Variants in FHL2 observed in about 807,000 individuals in gnomAD.
FHL2 encodes four and a half LIM domains protein 2.
Under a neutral mutation model 32.7 loss-of-function variants are expected in FHL2, and 20 were observed. The observed-to-expected ratio is 0.61, with a 90% CI of 0.43 to 0.89. FHL2 has a LOEUF of 0.89. Among genes scored for constraint, FHL2 ranks in the 40% least tolerant of loss-of-function variants. The pLI, the probability that FHL2 is intolerant of heterozygous loss-of-function variation, is 0.00. For missense variants in FHL2, 311 were observed against 358.6 expected, an observed-to-expected ratio of 0.87 and a Z score of 1.07; for synonymous variants, 123 against 128.1, an observed-to-expected ratio of 0.96 and a Z score of 0.27.
Position 105,429,433 on chromosome 2 carries a change from T to C in FHL2, c.-25+8966A>G, listed in dbSNP as rs549276404. ...CAATGTAATCACCAGTGTCCTTATA[T>C]ATGAAAGATGGAGACAGGAGAGCCA... On this transcript the variant is annotated intron_variant, in intron 1 of 5. Coordinates refer to the FHL2 transcript ENST00000393352. Among the ~76,000 whole-genome samples the C allele has an allele frequency of 1.2e-4, 18 of 152,268 alleles. 1 individual carries two copies. The highest frequency in any genetic ancestry group is 4.3e-4 in the African/African-American group (18 of 41,548).
intron 1 of FHL2, among the ~76,000 whole-genome samples, chr2:105,398,471 G>C (rs1683293207): frequency 6.6e-6 from 1 of 152,136 alleles, no homozygotes; most frequent in South Asian, 2.1e-4. Flanking sequence ...CTCGGGAGTC[G>C]GGCCTGGAAG....
rs144442113 is a variant in FHL2, at chr2:105,363,452, A to T, written c.521T>A (p.Val174Asp). Residue 174 changes from valine (V) to aspartate (D), a missense_variant, in exon 6 of 7, where the codon GTC (valine) becomes GAC (aspartate). Transcript: ENST00000530340. ...GTGCCAGGGCTGCTCCCGGTAAGTG[A>T]CCCCTCCCGTGGTGATGGGCTGCAG... is the stretch of plus-strand genomic sequence containing the variant. ...QCKKPITTGG[V>D]TYREQPWHKE... The T allele has an allele frequency of 3.5e-5, 56 of 1,609,438 alleles. No homozygotes were observed. Among genetic ancestry groups the T allele is most frequent in the Non-Finnish European group, 4.8e-5 (56 of 1,178,138 alleles).
chr2:105,426,487 T>C (rs973500644), intron 1 of FHL2, among the ~76,000 whole-genome samples: 2 of 152,180 alleles, frequency 1.3e-5, no homozygotes, highest in Non-Finnish European at 2.9e-5. Context: ...CTTCCAGACA[T>C]CCTGCCTAGG....
intron 3 of FHL2, among the ~76,000 whole-genome samples, chr2:105,383,204 G>T (rs1412185095): frequency 6.6e-6 from 1 of 152,170 alleles, no homozygotes; most frequent in Non-Finnish European, 1.5e-5. Context: ...TCTTTAGTTG[G>T]TTGAATTTTT....
chr2:105,421,896 T>C (rs1340734470), intron 1 of FHL2, among the ~76,000 whole-genome samples: 2 of 152,240 alleles, frequency 1.3e-5, no homozygotes, highest in African/African-American at 4.8e-5. Context: ...TTTGATTTAA[T>C]GGAAAAGATG....
At chr2:105,364,118 T>TGTG (rs1038632948) in intron 5 of FHL2, among the ~76,000 whole-genome samples, 16 of 151,980 alleles carry the variant, frequency 1.1e-4, no homozygotes, top group African/African-American at 3.9e-4. Context: ...ATTAGCTGAG[T>TGTG]GTGGTGGTGC....
intron 1 of FHL2, 83 bp downstream of exon 1, chr2:105,398,759 C>A: frequency 8.4e-7 from 1 of 1,197,582 alleles, no homozygotes; most frequent in Non-Finnish European, 1.1e-6. Flanking sequence ...CAGCTCAACT[C>A]CTTTCTCCCG....
intron 6 of FHL2, 199 bp downstream of exon 6, chr2:105,363,086 C>T (rs959825470): frequency 6.9e-6 from 4 of 576,944 alleles, no homozygotes; most frequent in Non-Finnish European, 1.3e-5. Context: ...AGGTGGGCTG[C>T]AGAGGAAGGA....
intron 3 of FHL2, chr2:105,376,270 T>C (rs895227577): frequency 6.6e-6 from 1 of 152,252 alleles, no homozygotes; most frequent in Non-Finnish European, 1.5e-5. Flanking sequence ...TTATTTCCAC[T>C]GAACCAGCCC....
chr2:105,383,204 G>A (rs1412185095), intron 3 of FHL2, among the ~76,000 whole-genome samples: 2 of 152,170 alleles, frequency 1.3e-5, no homozygotes, highest in Non-Finnish European at 2.9e-5. Flanking sequence ...TCTTTAGTTG[G>A]TTGAATTTTT....
chr2:105,425,616 G>C (rs1017940760), intron 1 of FHL2, among the ~76,000 whole-genome samples: 6 of 152,098 alleles, frequency 3.9e-5, no homozygotes, highest in African/African-American at 1.4e-4. Flanking sequence ...TCAACTCTGA[G>C]ATAGGAGAAA....
intron 4 of FHL2, among the ~76,000 whole-genome samples, chr2:105,369,068 CAG>C (rs1036863100): frequency 6.6e-6 from 1 of 152,166 alleles, no homozygotes; most frequent in Non-Finnish European, 1.5e-5. Context: ...GTAGTTGTGA[CAG>C]AGACTGTATG....
chr2:105,415,587 C>T (rs1001930047), intron 1 of FHL2, among the ~76,000 whole-genome samples: 1 of 152,146 alleles, frequency 6.6e-6, no homozygotes, highest in African/African-American at 2.4e-5. Flanking sequence ...TTGAAGGTGG[C>T]TTCACAATGG....
chr2:105,408,109 C>G (rs957266789), intron 1 of FHL2, among the ~76,000 whole-genome samples: 11 of 152,188 alleles, frequency 7.2e-5, no homozygotes, highest in African/African-American at 2.4e-4. Flanking sequence ...GGCCTACTTG[C>G]CATGACAACA....
At chr2:105,431,193 T>G (rs1684421814) in intron 1 of FHL2, among the ~76,000 whole-genome samples, 1 of 152,172 alleles carries the variant, frequency 6.6e-6, no homozygotes, top group Non-Finnish European at 1.5e-5. Flanking sequence ...TATTCACAAC[T>G]TCATCGTTCA....
chr2:105,361,425 C>T lies in FHL2; in HGVS notation c.698G>A (p.Gly233Asp), dbSNP rs1442578741. ...TTCCTCAAAGGAGATGTATTTTGTG[C>T]CACCAAGTCCTGTTAACAGAGAGAA... ...GCTNPISGLG[G>D]TKYISFEERQ... Residue 233 changes from glycine to aspartate, a missense_variant, in exon 7 of 7, where the codon GGC becomes GAC. Physicochemically the swap from Gly to Asp is moderately conservative, Grantham distance 94. Transcript: ENST00000530340. 5.6e-6 allele frequency: 9 copies of T among 1,613,274 alleles called. No homozygotes were observed. The highest frequency in any genetic ancestry group is 7.6e-6 in the Non-Finnish European group (9 of 1,179,718).
chr2:105,423,858 C>G (rs912720251), intron 1 of FHL2, among the ~76,000 whole-genome samples: 1 of 152,282 alleles, frequency 6.6e-6, no homozygotes, highest in African/African-American at 2.4e-5. Flanking sequence ...TTCCTTACAC[C>G]TTGTACAAAA....
At chr2:105,425,415 T>C (rs1381807210) in intron 1 of FHL2, among the ~76,000 whole-genome samples, 2 of 152,160 alleles carry the variant, frequency 1.3e-5, no homozygotes, top group East Asian at 1.9e-4. Context: ...CCCCATGTGA[T>C]AGTCTGAAAT....
intron 2 of FHL2, among the ~76,000 whole-genome samples, chr2:105,393,520 C>T (rs1018518945): frequency 2.6e-5 from 4 of 152,138 alleles, no homozygotes; most frequent in Admixed American, 2.0e-4. Context: ...TGTTTTCATG[C>T]AATTGCCCCG....
Sources: allele counts gnomAD v4.1 joint callset (sites outside exome capture counted in the v4.1 genomes callset), GRCh38; gene constraint gnomAD v4.1.1; transcripts MANE v1.5; gene names NCBI Gene and HGNC (gene_info 2026-07-23, HGNC 2026-07-21).